Variants in GSE1 observed in about 807,000 individuals in gnomAD.
GSE1 encodes Gse1 coiled-coil protein.
A neutral mutation model predicts 112.6 loss-of-function variants in GSE1; 32 were observed. That is an observed-to-expected ratio of 0.28 (90% CI 0.21 to 0.38). The LOEUF is 0.38. Ranked by LOEUF, GSE1 falls within the 10% of genes least tolerant of loss-of-function variation. GSE1 has a pLI of 1.00. For missense variants in GSE1, 2,348 were observed against 1,699.2 expected (o/e 1.38, Z -6.71); for synonymous variants, 1,115 against 735.6 (o/e 1.52, Z -8.35).
At chr16:85,551,348 C>G (rs1177645315), upstream of GSE1, among the ~76,000 whole-genome samples, 1 of 152,160 alleles carries the variant, frequency 6.6e-6, no homozygotes, top group Non-Finnish European at 1.5e-5. Flanking sequence ...GTGGCCTAGA[C>G]TGGTGGCCCC....
intron 4 of GSE1, 94 bp from the exon 5 acceptor site, chr16:85,654,700 C>T (rs577613179): frequency 2.0e-4 from 166 of 837,346 alleles, no homozygotes; most frequent in African/African-American, 1.5e-3. Flanking sequence ...GCCGACTGAG[C>T]GCCAGGGGTG....
intron 1 of GSE1, among the ~76,000 whole-genome samples, chr16:85,178,624 C>A (rs989823583): frequency 6.6e-6 from 1 of 151,890 alleles, no homozygotes; most frequent in African/African-American, 2.4e-5. Context: ...TGGGATTTAT[C>A]CTGGAAGGCC....
upstream of GSE1, among the ~76,000 whole-genome samples, chr16:85,608,122 G>A (rs1458339437): frequency 6.6e-6 from 1 of 152,206 alleles, no homozygotes; most frequent in Non-Finnish European, 1.5e-5. Flanking sequence ...ATGTAAGCCG[G>A]GCTTTGAAGA....
In GSE1 at chr16:85,231,131, A is replaced by AGGATGGAT. The variant is rs58998019; in HGVS notation, c.2283+59336_2283+59343dup. Among the ~76,000 whole-genome samples the AGGATGGAT allele has an allele frequency of 3.1e-3, 364 of 115,680 alleles. 30 individuals are homozygous for AGGATGGAT. The highest frequency in any genetic ancestry group is 0.012 in the African/African-American group (351 of 29,006). 75.9% of individuals were successfully genotyped at this position (115,680 alleles called of 152,430 possible). A position where few individuals can be genotyped will look rare whatever the true frequency, so the allele number is the denominator to read the frequency against. On this transcript the variant is annotated intron_variant, in intron 1 of 2. Transcript: ENST00000637419. ...ATGGATGGATGAAAGGATGGATGGA[A>AGGATGGAT]GGATGGATGGATGGATGGAAGGATG...
intron 8 of GSE1, among the ~76,000 whole-genome samples, chr16:85,660,304 C>T (rs972815048): frequency 6.6e-6 from 1 of 152,298 alleles, no homozygotes; most frequent in Admixed American, 6.5e-5. Flanking sequence ...AGGCTGGGAG[C>T]CTCCCTATCC....
intron 2 of GSE1, among the ~76,000 whole-genome samples, chr16:85,479,863 C>T (rs542222943): frequency 2.6e-5 from 4 of 152,284 alleles, no homozygotes; most frequent in Non-Finnish European, 4.4e-5. Context: ...AGTGGGGAAA[C>T]TGAGGCCCGG....
At chr16:85,627,044 CTTTTTTTTTTTTTTTTTTTTTT>C (rs564272210) in intron 1 of GSE1, among the ~76,000 whole-genome samples, 3 of 25,062 alleles carry the variant, frequency 1.2e-4, no homozygotes, top group African/African-American at 1.6e-4. Context: ...TTCTTCTTGC[CTTTTTTTTTTTTTTTTTTTTTT>C]TTTTTTTTTT....
chr16:85,464,857 G>A (rs1157847608), intron 2 of GSE1, among the ~76,000 whole-genome samples: 1 of 152,226 alleles, frequency 6.6e-6, no homozygotes, highest in Non-Finnish European at 1.5e-5. Context: ...CTGCCCACAG[G>A]GGCTGGTAGG....
At chr16:85,186,953 C>T (rs553948192) in intron 1 of GSE1, among the ~76,000 whole-genome samples, 1 of 152,362 alleles carries the variant, frequency 6.6e-6, no homozygotes, top group Middle Eastern at 3.4e-3. Flanking sequence ...AAGTTGACTT[C>T]CTCTTTCCCA....
chr16:85,601,444 A>G (rs1390141194), intron 1 of GSE1, among the ~76,000 whole-genome samples: 2 of 151,638 alleles, frequency 1.3e-5, no homozygotes, highest in African/African-American at 2.4e-5. Flanking sequence ...GGGAGCTCAA[A>G]GACAGGCCAG....
chr16:85,461,989 T>C (rs969407812), intron 2 of GSE1, among the ~76,000 whole-genome samples: 1 of 152,196 alleles, frequency 6.6e-6, no homozygotes, highest in African/African-American at 2.4e-5. Context: ...GAAGAGTCAC[T>C]TAGAGCCTCG....
chr16:85,508,717 A>G (rs1177650208), intron 2 of GSE1, among the ~76,000 whole-genome samples: 1 of 152,030 alleles, frequency 6.6e-6, no homozygotes, highest in African/African-American at 2.4e-5. Flanking sequence ...GCTGGTGGAG[A>G]CTGGTGTGCT....
At chr16:85,656,289 T>A in intron 6 of GSE1, 54 bp from the exon 7 acceptor site, 1 of 1,594,418 alleles carries the variant, frequency 6.3e-7, no homozygotes, top group Admixed American at 1.7e-5. Flanking sequence ...CTGCCCCAGG[T>A]CCGTCTCTTG....
chr16:85,468,109 G>A lies in GSE1; in HGVS notation c.2464+110466G>A, dbSNP rs556889592. On this transcript the variant is annotated intron_variant, in intron 2 of 2. Transcript: ENST00000637419. The stretch of plus-strand genomic sequence containing the variant: ...ACAGCCCACCTCAGCCTTGACAGAG[G>A]TCCCGATGGGAGATGGATTCCCACC... Among the ~76,000 whole-genome samples the A allele has an allele frequency of 4.6e-5, 7 of 152,226 alleles. No individual in the cohort carries two copies. The East Asian group carries it at 1.4e-3, about 29-fold the overall frequency.
intron 2 of GSE1, among the ~76,000 whole-genome samples, chr16:85,525,089 C>T (rs764247390): frequency 3.9e-5 from 6 of 152,316 alleles, no homozygotes; most frequent in Admixed American, 2.6e-4. Context: ...CGTCTGCTGG[C>T]CCGGGGGGTT....
intron 1 of GSE1, among the ~76,000 whole-genome samples, chr16:85,576,002 G>A (rs1567607239): frequency 6.6e-6 from 1 of 151,952 alleles, no homozygotes; most frequent in Middle Eastern, 3.4e-3. Context: ...GAGCAGTGAC[G>A]GGGGAGTATT....
intron 1 of GSE1, among the ~76,000 whole-genome samples, chr16:85,195,612 T>A (rs1027162879): frequency 6.6e-6 from 1 of 152,204 alleles, no homozygotes; most frequent in African/African-American, 2.4e-5. Flanking sequence ...TCCCCCCTGC[T>A]AATCCCCTAT....
intron 2 of GSE1, among the ~76,000 whole-genome samples, chr16:85,500,684 C>A (rs1597971461): frequency 6.6e-6 from 1 of 152,218 alleles, no homozygotes; most frequent in East Asian, 1.9e-4. Context: ...TTCACCCCCT[C>A]CCCCCATCAG....
intron 2 of GSE1, among the ~76,000 whole-genome samples, chr16:85,471,723 CT>C (rs36045735): frequency 0.78 from 118,781 of 151,878 alleles, 46,747 homozygotes; most frequent in East Asian, 0.98. Context: ...TCTTAATTTA[CT>C]TTTTTTCGAT....
Sources: allele counts gnomAD v4.1 joint callset (sites outside exome capture counted in the v4.1 genomes callset), GRCh38; gene constraint gnomAD v4.1.1; transcripts MANE v1.5; gene names NCBI Gene and HGNC (gene_info 2026-07-23, HGNC 2026-07-21).